LTBP4: variants seen among roughly 807,000 people sequenced by gnomAD.
LTBP4 encodes latent-transforming growth factor beta-binding protein 4.
A neutral mutation model predicts 180.2 loss-of-function variants in LTBP4; 93 were observed. The observed-to-expected ratio is 0.52, with a 90% confidence interval of 0.44 to 0.61. LTBP4 has a LOEUF of 0.61. Among genes scored for constraint, LTBP4 ranks in the 20% least tolerant of loss-of-function variants. The pLI, the probability that LTBP4 is intolerant of heterozygous loss-of-function variation, is 0.00. For missense variants in LTBP4, 2,116 were observed against 2,256.5 expected (o/e 0.94, Z 1.26); for synonymous variants, 947 against 934.5 (o/e 1.01, Z -0.24).
upstream of LTBP4, among the ~76,000 whole-genome samples, chr19:40,596,450 G>A (rs1454516273): frequency 6.6e-6 from 1 of 152,120 alleles, no homozygotes; most frequent in Non-Finnish European, 1.5e-5. Flanking sequence ...AAGGAAGGGG[G>A]TCTGATACCC....
chr19:40,614,063 T>A (rs2146033694), intron 18 of LTBP4, 25 bp downstream of exon 18: 1 of 1,608,934 alleles, frequency 6.2e-7, no homozygotes, highest in East Asian at 2.2e-5. Flanking sequence ...CCCGGCCTGA[T>A]CCCTCCTCCC....
At chr19:40,608,902 C>CA (rs538438732) in intron 9 of LTBP4, 4,138 of 82,502 alleles carry the variant, frequency 0.05, 174 homozygotes, top group African/African-American at 0.074. Context: ...CACTCCATCT[C>CA]AAAAAAAAAA....
At chr19:40,599,677 T>A, upstream of LTBP4, 8 of 946,146 alleles carry the variant, frequency 8.5e-6, no homozygotes, top group Non-Finnish European at 1.1e-5. Context: ...CGGCTCTTTC[T>A]TTTGCTATCA....
rs753624559 is a variant in LTBP4 at position 40,629,492 on chromosome 19, C to G, written c.4616C>G (p.Pro1539Arg). 1.9e-6 allele frequency: 3 copies of G among 1,606,000 alleles called. No individual in the cohort carries two copies. The highest frequency in any genetic ancestry group is 1.7e-5 in the Admixed American group (1 of 59,764). ...TDGSFRCICR[P>R]GFAPTHQPHH... Reference sequence around the variant, plus strand: ...GGCTCCTTCCGCTGCATCTGCCGCCCGGGATTCGCACCCACGCACCAGCCG... The same window carrying G: ...GGCTCCTTCCGCTGCATCTGCCGCCGGGGATTCGCACCCACGCACCAGCCG... The change falls in exon 30 of 30, where the codon CCG becomes CGG. Residue 1539 changes from proline to arginine, a missense_variant. This residue lies in a region of LTBP4 where 488 missense variants were observed against 458.8 expected (regional missense o/e 1.06). Transcript: ENST00000396819. This position sits in a 1 kb window ranked among gnomAD's most constrained non-coding sequence, Gnocchi z 4.5.
chr19:40,614,190 C>A, intron 18 of LTBP4, 125 bp from the exon 19 acceptor site: 1 of 1,442,304 alleles, frequency 6.9e-7, no homozygotes. Flanking sequence ...CTCCTCTACC[C>A]CAATCTTCTC....
chr19:40,596,495 G>A (rs2081391172), upstream of LTBP4, among the ~76,000 whole-genome samples: 1 of 150,910 alleles, frequency 6.6e-6, no homozygotes, highest in Non-Finnish European at 1.5e-5. Context: ...GCAGGAGGGG[G>A]CAGAGCCAGG....
chr19:40,608,110 C>G (rs2081476416), intron 7 of LTBP4, 110 bp from the exon 8 acceptor site: 1 of 1,224,272 alleles, frequency 8.2e-7, no homozygotes, highest in Non-Finnish European at 1.2e-6. Context: ...AGCTCAAACC[C>G]CTGACACTCT....
chr19:40,600,129 C>A (rs1489617684), upstream of LTBP4: 4 of 1,258,420 alleles, frequency 3.2e-6, no homozygotes, highest in Non-Finnish European at 4.0e-6. This position sits in a 1 kb window ranked among gnomAD's most constrained non-coding sequence, Gnocchi z 4.4. Context: ...GGGCCGGGGA[C>A]TACTGAGAAG....
chr19:40,619,496 G>A lies in LTBP4; in HGVS notation c.3217+3G>A, dbSNP rs2081571871. The A allele has an allele frequency of 6.2e-7, 1 of 1,606,700 alleles. No individual in the cohort carries two copies. The highest frequency in any genetic ancestry group is 1.3e-5 in the African/African-American group (1 of 74,788). On this transcript the variant is annotated splice_donor_region_variant and intron_variant, in intron 22 of 29. Coordinates refer to ENST00000396819, the MANE Select transcript of LTBP4 (RefSeq NM_001042545.2). ...TGTTCCCCCACGAACTTCTGCTGGT[G>A]AGACTGATGTGTCTATTTAACTGAT...
In LTBP4 at chr19:40,623,033, C is replaced by T; in HGVS notation, c.3556+12C>T. 1.3e-6 allele frequency: 2 copies of T among 1,599,080 alleles called. No individual in the cohort carries two copies. The highest frequency in any genetic ancestry group is 1.7e-5 in the Admixed American group (1 of 58,402). On this transcript the variant is annotated intron_variant, in intron 24 of 29. Coordinates refer to ENST00000396819, the MANE Select transcript of LTBP4 (RefSeq NM_001042545.2). ...GAGCCTCCGGAGAGGTGAGGCCAGC[C>T]TTTGACCCTCCACCCCACTCAGCTC...
Position 40,629,448 on chromosome 19 carries a change from G to C in LTBP4, c.4572G>C (p.Ala1524=). ...AEAASPLCVN[A]RCLNTDGSFR... is the part of the protein sequence containing the mutation. The stretch of plus-strand genomic sequence containing the variant: ...CTGCCTCCCCGCTGTGCGTCAACGC[G>C]CGTTGCCTCAACACGGATGGCTCCT... Residue 1524 remains alanine (A), a synonymous_variant, in exon 30 of 30, where the codon GCG becomes GCC. Coordinates refer to ENST00000396819, the MANE Select transcript of LTBP4 (RefSeq NM_001042545.2). The surrounding 1 kb of genome is among the most constrained non-coding windows in gnomAD (Gnocchi z 4.5). 1 of 1,612,548 alleles carries C rather than the reference G, an allele frequency of 6.2e-7. No individual in the cohort carries two copies. Among genetic ancestry groups the C allele is most frequent in the Non-Finnish European group, 8.5e-7 (1 of 1,179,434 alleles).
At chr19:40,607,554 C>T (rs2081472525) in intron 7 of LTBP4, 25 bp downstream of exon 7, 4 of 1,584,180 alleles carry the variant, frequency 2.5e-6, no homozygotes, top group Non-Finnish European at 3.4e-6. Context: ...CAGTGCCTAG[C>T]CCTACGCGCA....
chr19:40,597,504 C>A, upstream of LTBP4: 1 of 1,165,968 alleles, frequency 8.6e-7, no homozygotes, highest in South Asian at 2.0e-5. Context: ...AAAGAGGGCC[C>A]TTGGATTTAT....
At chr19:40,594,351 G>A (rs2081380344) in intron 1 of LTBP4, among the ~76,000 whole-genome samples, 1 of 151,992 alleles carries the variant, frequency 6.6e-6, no homozygotes, top group Non-Finnish European at 1.5e-5. Context: ...AGGTGACATA[G>A]ACACGATCCT....
At position 40,613,485 on chromosome 19, in the gene LTBP4, G is replaced by A. The variant is rs370638899; in HGVS notation, c.2513G>A (p.Cys838Tyr). The change falls in exon 17 of 30, where the codon TGT (cysteine) becomes TAT (tyrosine). Residue 838 changes from cysteine to tyrosine, a missense_variant. By Grantham distance (194) the Cys-to-Tyr change is radical. Around this residue, in one of 5 missense-constraint regions of LTBP4, gnomAD observed 877 missense variants for 873.6 expected, o/e 1.00. Coordinates refer to ENST00000396819, the MANE Select transcript of LTBP4 (RefSeq NM_001042545.2). This position sits in a 1 kb window ranked among gnomAD's most constrained non-coding sequence, Gnocchi z 5.0. ...ACTGACGGCTCCTTTGCCTGTACTT[G>A]TGCCCCTGGCTACCGACCCGGACCC... ...LNTDGSFACT[C>Y]APGYRPGPRG... The A allele has an allele frequency of 3.1e-6, 5 of 1,589,346 alleles. No individual in the cohort carries two copies. The highest frequency in any genetic ancestry group is 4.3e-6 in the Non-Finnish European group (5 of 1,168,650).
At chr19:40,624,157 C>T in intron 26 of LTBP4, 75 bp downstream of exon 26, 3 of 1,436,130 alleles carry the variant, frequency 2.1e-6, no homozygotes, top group South Asian at 1.4e-5. Flanking sequence ...CACACCTTTG[C>T]GACGGCCACG....
intron 21 of LTBP4, among the ~76,000 whole-genome samples, chr19:40,617,808 A>AT (rs2081561211): frequency 6.6e-6 from 1 of 152,200 alleles, no homozygotes; most frequent in African/African-American, 2.4e-5. Context: ...CTTTCCTAAC[A>AT]TTTTATGAGG....
intron 14 of LTBP4, 22 bp from the exon 15 acceptor site, chr19:40,612,051 C>T: frequency 6.2e-7 from 1 of 1,612,230 alleles, no homozygotes. Flanking sequence ...TCTTCAAGGC[C>T]ACCCTCTCCC....
Position 40,613,090 on chromosome 19 carries a change from C to A in LTBP4, c.2325C>A (p.Ala775=). 1 of 1,611,574 alleles carries A rather than the reference C, an allele frequency of 6.2e-7. No homozygotes were observed. The highest frequency in any genetic ancestry group is 1.1e-5 in the South Asian group (1 of 90,444). ...ATGTGGACGAATGCAGTTCGGGTGC[C>A]CCTCCCTGTGGTCCCCACGGCCACT... ...CTDVDECSSG[A]PPCGPHGHCT... Residue 775 remains alanine (A), a synonymous_variant, in exon 16 of 30, where the codon GCC becomes GCA. Coordinates refer to ENST00000396819, the MANE Select transcript of LTBP4 (RefSeq NM_001042545.2). The surrounding 1 kb of genome is among the most constrained non-coding windows in gnomAD (Gnocchi z 5.0).
Sources: gnomAD v4.1 joint callset for allele counts (sites outside exome capture counted in the v4.1 genomes callset) on GRCh38, gnomAD v4.1.1 for gene constraint, gnomAD v4.1.1 regional missense constraint, Gnocchi (gnomAD v3.1) non-coding constraint, MANE v1.5 for transcripts, NCBI Gene and HGNC (gene_info 2026-07-23, HGNC 2026-07-21) for gene names.